CHD9: variants seen among roughly 807,000 people sequenced by gnomAD.
CHD9 encodes ATP-dependent chromatin remodeler CHD9.
CHD9 carries 77 observed loss-of-function variants against 316.1 expected under a neutral mutation model. The ratio of observed to expected loss-of-function variants is 0.24; its 90% CI spans 0.20 to 0.29. The LOEUF is 0.29. Ranked by LOEUF, CHD9 falls within the 10% of genes least tolerant of loss-of-function variation. The pLI is 1.00. For synonymous variants in CHD9, 1,129 were observed against 1,158.3 expected (o/e 0.97, Z 0.51); for missense variants, 2,763 against 3,438.1 (o/e 0.80, Z 4.91).
At chr16:53,213,985 A>G (rs1274098239) in intron 3 of CHD9, among the ~76,000 whole-genome samples, 1 of 152,200 alleles carries the variant, frequency 6.6e-6, no homozygotes, top group Non-Finnish European at 1.5e-5. Flanking sequence ...TTAAAACAGA[A>G]CATGTCTAAA....
intron 2 of CHD9, among the ~76,000 whole-genome samples, chr16:53,206,093 C>T (rs2045873866): frequency 6.6e-6 from 1 of 152,104 alleles, no homozygotes; most frequent in Non-Finnish European, 1.5e-5. Flanking sequence ...GCTGGGATTA[C>T]AGGCATGCAC....
At chr16:53,084,816 C>T (rs1007066973) in intron 1 of CHD9, among the ~76,000 whole-genome samples, 2 of 152,252 alleles carry the variant, frequency 1.3e-5, no homozygotes, top group Non-Finnish European at 2.9e-5. Flanking sequence ...GAACATCAGG[C>T]GGTCTTACCC....
At position 53,157,402 on chromosome 16, in the gene CHD9, G is replaced by A. The variant is rs768263955; in HGVS notation, c.1313G>A (p.Arg438Gln). 8 of 1,613,842 alleles carry A rather than the reference G, an allele frequency of 5.0e-6. No individual in the cohort carries two copies. The highest frequency in any genetic ancestry group is 2.2e-5 in the East Asian group (1 of 44,896). The change falls in exon 2 of 39, where the codon CGG becomes CAG. Residue 438 changes from arginine (R) to glutamine (Q), a missense_variant. This residue lies in a region of CHD9 where 859 missense variants were observed against 890.4 expected (regional missense o/e 0.96). Coordinates refer to ENST00000447540, the MANE Select transcript of CHD9 (RefSeq NM_001308319.2). ...SSHILDHDLDRQFTSHLVTRP... is the reference protein window; with the variant it reads ...SSHILDHDLDQQFTSHLVTRP... ...CACATTTTAGATCATGACCTTGATC[G>A]GCAGTTTACTTCGCATCTGGTAACA...
Position 53,209,658 on chromosome 16 carries a change from C to A in CHD9, c.1629C>A (p.Arg543=). The A allele has an allele frequency of 1.2e-6, 2 of 1,613,760 alleles. No individual in the cohort carries two copies. Among genetic ancestry groups the A allele is most frequent in the Non-Finnish European group, 1.7e-6 (2 of 1,179,810 alleles). The change falls in exon 3 of 39, where the codon CGC becomes CGA. Residue 543 remains arginine (R), a synonymous_variant. Coordinates refer to ENST00000447540, the MANE Select transcript of CHD9 (RefSeq NM_001308319.2). Reference sequence around the variant, plus strand: ...CAAAAGCAAAGGAGCGTGGGGAACGCAATATTCCACGAGTAATGAGCCCTG... The same window carrying A: ...CAAAAGCAAAGGAGCGTGGGGAACGAAATATTCCACGAGTAATGAGCCCTG... The part of the protein sequence containing the change: ...AIAKAKERGE[R]NIPRVMSPEN...
intron 33 of CHD9, among the ~76,000 whole-genome samples, 189 bp downstream of exon 33, chr16:53,308,142 T>C (rs2056152677): frequency 6.6e-6 from 1 of 152,256 alleles, no homozygotes; most frequent in South Asian, 2.1e-4. Flanking sequence ...TCATTAAATA[T>C]GTTTTTCTCT....
chr16:53,208,906 T>A (rs1031976998), intron 2 of CHD9, among the ~76,000 whole-genome samples: 7 of 152,068 alleles, frequency 4.6e-5, no homozygotes, highest in African/African-American at 9.7e-5. Context: ...AGAAAAAAAA[T>A]TTTCACATTT....
chr16:53,252,734 T>C (rs530294636), intron 17 of CHD9, among the ~76,000 whole-genome samples: 1 of 146,110 alleles, frequency 6.8e-6, no homozygotes, highest in East Asian at 2.0e-4. Flanking sequence ...AAAAGTGGGC[T>C]AAGGACATGA....
chr16:53,185,961 A>G (rs944448832), intron 2 of CHD9, among the ~76,000 whole-genome samples: 3 of 152,226 alleles, frequency 2.0e-5, no homozygotes, highest in African/African-American at 7.2e-5. Context: ...GCAGGAGTGG[A>G]GCCCTCATGG....
intron 37 of CHD9, among the ~76,000 whole-genome samples, chr16:53,320,675 A>G (rs923315307): frequency 1.3e-5 from 2 of 152,230 alleles, no homozygotes; most frequent in African/African-American, 4.8e-5. Context: ...TTAAATTGGT[A>G]GGTATAAATC....
chr16:53,110,884 G>A (rs750068418), intron 1 of CHD9, among the ~76,000 whole-genome samples: 2 of 152,140 alleles, frequency 1.3e-5, no homozygotes, highest in African/African-American at 4.8e-5. Context: ...GACATAAACA[G>A]GTAATCTGGG....
chr16:53,243,037 A>G (rs745339839), intron 13 of CHD9, 21 bp downstream of exon 13: 16 of 1,514,978 alleles, frequency 1.1e-5, no homozygotes, highest in Middle Eastern at 1.7e-4. Flanking sequence ...TAATATTATC[A>G]TTATGACAAT....
chr16:53,297,044 A>G lies in CHD9; in HGVS notation c.5599A>G (p.Thr1867Ala). 6.2e-7 allele frequency: 1 copy of G among 1,613,740 alleles called. No homozygotes were observed. Among genetic ancestry groups the G allele is most frequent in the South Asian group, 1.1e-5 (1 of 91,072 alleles). Residue 1867 changes from threonine (T) to alanine (A), a missense_variant, in exon 30 of 39, where the codon ACA becomes GCA. Coordinates refer to ENST00000447540, the MANE Select transcript of CHD9 (RefSeq NM_001308319.2). Reference sequence around the variant, plus strand: ...CCCTGACAGAGGCCAATTTGATTGGACAAAATTTAGAGCTATGGCTAGGCT... The same window carrying G: ...CCCTGACAGAGGCCAATTTGATTGGGCAAAATTTAGAGCTATGGCTAGGCT... ...FDPDRGQFDW[T>A]KFRAMARLHK...
At position 53,304,022 on chromosome 16, in the gene CHD9, A is replaced by G. The variant is rs1330466049; in HGVS notation, c.6016A>G (p.Met2006Val). 3.1e-6 allele frequency: 5 copies of G among 1,614,002 alleles called. No individual in the cohort carries two copies. The highest frequency in any genetic ancestry group is 1.1e-5 in the South Asian group (1 of 91,084). Reference sequence around the variant, plus strand: ...TCAGAGGAACTACAGTCAAAGTAAGATGGCTCATTCAAGGACTTCTACCCC... The same window carrying G: ...TCAGAGGAACTACAGTCAAAGTAAGGTGGCTCATTCAAGGACTTCTACCCC... ...AAQRNYSQSKMAHSRTSTPLL... is the reference protein window; with the variant it reads ...AAQRNYSQSKVAHSRTSTPLL... The change falls in exon 31 of 39, where the codon ATG becomes GTG. Residue 2006 changes from methionine (M) to valine (V), a missense_variant. By Grantham distance (21) the Met-to-Val change is conservative. This residue lies in a region of CHD9 where 663 missense variants were observed against 751.2 expected (regional missense o/e 0.88). Coordinates refer to ENST00000447540, the MANE Select transcript of CHD9 (RefSeq NM_001308319.2).
intron 36 of CHD9, among the ~76,000 whole-genome samples, chr16:53,315,463 A>T (rs1208513811): frequency 6.6e-6 from 1 of 152,194 alleles, no homozygotes; most frequent in African/African-American, 2.4e-5. Flanking sequence ...TAACTTTATT[A>T]CGTGGCATTG....
intron 30 of CHD9, among the ~76,000 whole-genome samples, chr16:53,302,279 T>C (rs2055514868): frequency 6.6e-6 from 1 of 152,254 alleles, no homozygotes; most frequent in African/African-American, 2.4e-5. Flanking sequence ...CTGTTCCTTA[T>C]CTTTAATGAC....
chr16:53,137,518 G>A (rs187025294), intron 1 of CHD9, among the ~76,000 whole-genome samples: 3 of 152,104 alleles, frequency 2.0e-5, no homozygotes, highest in Non-Finnish European at 4.4e-5. Flanking sequence ...CAAATTTGTT[G>A]TTCCAATTTC....
intron 1 of CHD9, among the ~76,000 whole-genome samples, chr16:53,079,613 A>G (rs1296283230): frequency 6.6e-6 from 1 of 152,126 alleles, no homozygotes; most frequent in Non-Finnish European, 1.5e-5. Flanking sequence ...TTTTGGTTGG[A>G]ATCCTAGATA....
intron 1 of CHD9, among the ~76,000 whole-genome samples, chr16:53,089,912 C>A (rs901924805): frequency 2.0e-5 from 3 of 152,180 alleles, no homozygotes; most frequent in Admixed American, 1.3e-4. Flanking sequence ...ACTTGGTCTT[C>A]CTCGTCCCAG....
At chr16:53,147,847 G>A (rs2040755711) in intron 1 of CHD9, among the ~76,000 whole-genome samples, 1 of 152,092 alleles carries the variant, frequency 6.6e-6, no homozygotes, top group South Asian at 2.1e-4. Flanking sequence ...TTGGTGAATA[G>A]TATGTACCTA....
Sources: allele counts gnomAD v4.1 joint callset (sites outside exome capture counted in the v4.1 genomes callset), GRCh38; gene constraint gnomAD v4.1.1; regional missense constraint gnomAD v4.1.1; transcripts MANE v1.5; gene names NCBI Gene and HGNC (gene_info 2026-07-23, HGNC 2026-07-21).